The following RABEP1 variants were observed in gnomAD, a reference collection of about 807,000 sequenced individuals.
RABEP1 encodes rab GTPase-binding effector protein 1.
Under a neutral mutation model 123.4 loss-of-function variants are expected in RABEP1, and 51 were observed. The observed-to-expected ratio is 0.41, with a 90% CI of 0.33 to 0.52. RABEP1 has a LOEUF of 0.52. Ranked by LOEUF, RABEP1 falls within the 20% of genes least tolerant of loss-of-function variation. RABEP1 has a pLI of 0.16. For synonymous variants in RABEP1, 347 were observed against 355.2 expected (o/e 0.98, Z 0.26); for missense variants, 888 against 996.3 (o/e 0.89, Z 1.46).
chr17:5,367,868 G>A (rs1910195641), intron 11 of RABEP1, among the ~76,000 whole-genome samples: 1 of 150,690 alleles, frequency 6.6e-6, no homozygotes, highest in African/African-American at 2.4e-5. Context: ...CAATTCTCCT[G>A]CCTCAGCCTC....
At chr17:5,367,567 C>G (rs560230695) in intron 11 of RABEP1, among the ~76,000 whole-genome samples, 1 of 151,152 alleles carries the variant, frequency 6.6e-6, no homozygotes, top group East Asian at 2.0e-4. Flanking sequence ...CCGTGCCCAG[C>G]CAAGGGTAAA....
chr17:5,307,959 A>G (rs769507377), intron 1 of RABEP1, among the ~76,000 whole-genome samples: 1 of 152,194 alleles, frequency 6.6e-6, no homozygotes, highest in Non-Finnish European at 1.5e-5. Context: ...TGGTATGGCT[A>G]CACTAGTTAG....
intron 2 of RABEP1, among the ~76,000 whole-genome samples, chr17:5,331,286 T>G (rs1906519455): frequency 6.6e-6 from 1 of 152,174 alleles, no homozygotes; most frequent in Non-Finnish European, 1.5e-5. Flanking sequence ...CCATGATATT[T>G]ACAAGAATTT....
intron 5 of RABEP1, among the ~76,000 whole-genome samples, chr17:5,340,992 TATAAAC>T (rs1256394321): frequency 1.4e-5 from 2 of 145,212 alleles, no homozygotes; most frequent in East Asian, 2.1e-4. Context: ...AAATGAATAA[TATAAAC>T]ATAGGAATTT....
chr17:5,338,124 C>T lies in RABEP1; in HGVS notation c.634C>T (p.Leu212=). 1.2e-6 allele frequency: 2 copies of T among 1,612,898 alleles called. No individual in the cohort carries two copies. The highest frequency in any genetic ancestry group is 1.7e-6 in the Non-Finnish European group (2 of 1,179,272). The part of the protein sequence containing the change: ...LTEAEDKIKE[L]EASKVKELNH... ...AGAGGCTGAAGACAAAATTAAAGAG[C>T]TGGAGGCCTCAAAGGTTATGAAACA... The change falls in exon 5 of 18, where the codon CTG becomes TTG. Residue 212 remains leucine (L), a synonymous_variant. Coordinates refer to ENST00000537505, the MANE Select transcript of RABEP1 (RefSeq NM_004703.6).
intron 1 of RABEP1, among the ~76,000 whole-genome samples, chr17:5,290,504 C>T (rs143283098): frequency 8.7e-4 from 133 of 152,070 alleles, no homozygotes; most frequent in African/African-American, 3.1e-3. Flanking sequence ...ATATCTGTTG[C>T]GTTTATAAGC....
intron 1 of RABEP1, among the ~76,000 whole-genome samples, chr17:5,304,350 C>T (rs1333524376): frequency 6.6e-6 from 1 of 151,956 alleles, no homozygotes; most frequent in African/African-American, 2.4e-5. Context: ...ACGGCTGAGG[C>T]GGGTGAGTCA....
Position 5,386,108 on chromosome 17 carries a change from A to G in RABEP1, c.*2885A>G, listed in dbSNP as rs1412017155. Reference sequence around the variant, plus strand: ...GATGAACCACACCAAAGGTCATCAAAACACCTTTTTATAAATTAGATAATT... The same window carrying G: ...GATGAACCACACCAAAGGTCATCAAGACACCTTTTTATAAATTAGATAATT... On this transcript the variant is annotated 3_prime_UTR_variant, in exon 18 of 18. Transcript: ENST00000537505. 7 of 877,402 alleles carry G rather than the reference A, an allele frequency of 8.0e-6. No homozygotes were observed. The highest frequency in any genetic ancestry group is 1.1e-5 in the Non-Finnish European group (6 of 564,186). 54.4% of individuals were successfully genotyped at this position (877,402 alleles called of 1,614,324 possible).
chr17:5,321,100 A>T (rs1356645003), intron 2 of RABEP1, among the ~76,000 whole-genome samples: 2 of 152,164 alleles, frequency 1.3e-5, no homozygotes, highest in African/African-American at 4.8e-5. Flanking sequence ...ACTTGAGCCC[A>T]GGAGTTTGAG....
chr17:5,344,964 G>A (rs1418295163), intron 5 of RABEP1, among the ~76,000 whole-genome samples: 13 of 147,554 alleles, frequency 8.8e-5, no homozygotes, highest in Non-Finnish European at 1.5e-5. Flanking sequence ...CTCCGTCTCA[G>A]AAAAAAAAAT....
chr17:5,337,687 C>T (rs1049207605), intron 4 of RABEP1, among the ~76,000 whole-genome samples: 10 of 151,316 alleles, frequency 6.6e-5, no homozygotes, highest in Non-Finnish European at 1.5e-4. Context: ...AGCGAGACTC[C>T]GTCTCAAAAA....
At chr17:5,341,985 A>AGT (rs1907655948) in intron 5 of RABEP1, among the ~76,000 whole-genome samples, 1 of 152,244 alleles carries the variant, frequency 6.6e-6, no homozygotes, top group Non-Finnish European at 1.5e-5. Context: ...ACCCATGCTC[A>AGT]GTAATTCAGA....
intron 1 of RABEP1, among the ~76,000 whole-genome samples, chr17:5,292,159 A>T (rs2075039747): frequency 6.6e-6 from 1 of 152,314 alleles, no homozygotes; most frequent in East Asian, 1.9e-4. Context: ...GATGTCTGTT[A>T]GTCTCACTTC....
chr17:5,320,339 A>G (rs1175984203), intron 2 of RABEP1, among the ~76,000 whole-genome samples: 1 of 150,478 alleles, frequency 6.6e-6, no homozygotes, highest in African/African-American at 2.4e-5. Context: ...GAAGTTTGAG[A>G]GAATTGACCA....
intron 1 of RABEP1, among the ~76,000 whole-genome samples, chr17:5,292,574 G>A (rs1176065370): frequency 6.6e-6 from 1 of 152,040 alleles, no homozygotes; most frequent in Non-Finnish European, 1.5e-5. Context: ...AGTAGAGATA[G>A]GGTTTCACCA....
chr17:5,302,244 A>AATTTTTTTTTT (rs11399081), intron 1 of RABEP1, among the ~76,000 whole-genome samples: 2 of 118,396 alleles, frequency 1.7e-5, no homozygotes, highest in East Asian at 5.8e-4. Context: ...TACTGAAAAC[A>AATTTTTTTTTT]TTTTTTTTTT....
At chr17:5,338,350 T>C (rs918017060) in intron 5 of RABEP1, among the ~76,000 whole-genome samples, 2 of 151,508 alleles carry the variant, frequency 1.3e-5, no homozygotes, top group Non-Finnish European at 3.0e-5. Context: ...TCACCTGAGG[T>C]TGGGAGTTGG....
intron 1 of RABEP1, among the ~76,000 whole-genome samples, chr17:5,290,938 T>C (rs192544541): frequency 1.6e-4 from 25 of 152,288 alleles, no homozygotes; most frequent in Non-Finnish European, 2.5e-4. Context: ...TTAAAGGTAG[T>C]ATTAACACTT....
intron 12 of RABEP1, among the ~76,000 whole-genome samples, chr17:5,372,998 T>C (rs1910643482): frequency 6.6e-6 from 1 of 152,166 alleles, no homozygotes; most frequent in Non-Finnish European, 1.5e-5. Flanking sequence ...GCTCAGGCAA[T>C]CCACCCACCT....
Sources: allele counts gnomAD v4.1 joint callset (sites outside exome capture counted in the v4.1 genomes callset), GRCh38; gene constraint gnomAD v4.1.1; transcripts MANE v1.5; gene names NCBI Gene and HGNC (gene_info 2026-07-23, HGNC 2026-07-21).